PRPSAP1: variants seen among roughly 807,000 people sequenced by gnomAD.
PRPSAP1 encodes phosphoribosyl pyrophosphate synthase-associated protein 1.
Under a neutral mutation model 39.4 loss-of-function variants are expected in PRPSAP1, and 31 were observed. The ratio of observed to expected loss-of-function variants is 0.79; its 90% confidence interval spans 0.59 to 1.06. The LOEUF (loss-of-function observed/expected upper bound fraction) is 1.06. Among genes scored for constraint, PRPSAP1 ranks in the 50% least tolerant of loss-of-function variants. The pLI is 0.00. For missense variants in PRPSAP1, 430 were observed against 511.6 expected, an observed-to-expected ratio of 0.84 and a Z score of 1.54; for synonymous variants, 212 against 192.6, an observed-to-expected ratio of 1.10 and a Z score of -0.83.
intron 3 of PRPSAP1, among the ~76,000 whole-genome samples, chr17:76,333,057 A>G (rs1025193470): frequency 2.6e-5 from 4 of 151,650 alleles, no homozygotes; most frequent in Non-Finnish European, 4.4e-5. Flanking sequence ...TCGCCCGGCT[A>G]ATTTTTTGTA....
intron 3 of PRPSAP1, among the ~76,000 whole-genome samples, chr17:76,333,038 C>T (rs2071340836): frequency 6.6e-6 from 1 of 151,614 alleles, no homozygotes; most frequent in Non-Finnish European, 1.5e-5. Context: ...ACTACAGGCG[C>T]CCGCCACCTC....
chr17:76,315,335 G>C (rs1370605774), intron 7 of PRPSAP1, among the ~76,000 whole-genome samples: 3 of 152,186 alleles, frequency 2.0e-5, no homozygotes, highest in Admixed American at 2.0e-4. Context: ...GGCTAGTAGT[G>C]GGGGAAGCGA....
At chr17:76,338,782 C>A (rs2071405034) in intron 3 of PRPSAP1, among the ~76,000 whole-genome samples, 1 of 151,226 alleles carries the variant, frequency 6.6e-6, no homozygotes, top group South Asian at 2.1e-4. Context: ...GCCTGTAATC[C>A]CAGGACTTTG....
At chr17:76,338,066 T>C (rs1157573695) in intron 3 of PRPSAP1, among the ~76,000 whole-genome samples, 1 of 152,194 alleles carries the variant, frequency 6.6e-6, no homozygotes, top group Non-Finnish European at 1.5e-5. Context: ...CACAGTTCAA[T>C]TACCCAAAAT....
At chr17:76,336,599 G>A (rs747908305) in intron 3 of PRPSAP1, among the ~76,000 whole-genome samples, 3 of 150,982 alleles carry the variant, frequency 2.0e-5, no homozygotes, top group Admixed American at 6.6e-5. Flanking sequence ...AGGCATGGTG[G>A]TGCATGCCTG....
Position 76,325,301 on chromosome 17 carries a change from C to T in PRPSAP1, c.781+3416G>A, listed in dbSNP as rs535071185. Among the ~76,000 whole-genome samples the T allele has an allele frequency of 5.9e-5, 8 of 135,792 alleles. No homozygotes were observed. The Admixed American group carries it at 6.3e-4, about 11-fold the overall frequency. The allele number at this position is 135,792 out of a possible 152,430, so 89.1% of individuals were successfully genotyped here. ...GCGGGTGCCTGTAGTCCCAGCTATT[C>T]GGGAGGCTGAGGCAGGAGAATGGCG... On this transcript the variant is annotated intron_variant, in intron 7 of 9. Coordinates refer to ENST00000446526, the MANE Select transcript of PRPSAP1 (RefSeq NM_002766.3).
chr17:76,353,884 AGC>A lies in PRPSAP1; in HGVS notation c.-183_-182del, dbSNP rs1325907625. 3.6e-5 allele frequency: 48 copies of A among 1,327,196 alleles called. No homozygotes were observed. In the Middle Eastern group the frequency reaches 2.0e-3, roughly 55 times the overall value. The allele number at this position is 1,327,196 out of a possible 1,614,324, so 82.2% of individuals were successfully genotyped here. A position where few individuals can be genotyped will look rare whatever the true frequency, so the allele number is the denominator to read the frequency against. Reference sequence around the variant, plus strand: ...CTGACTACAGCGGCCGAGCCTTCGCAGCGCCCGGCGCCGCCGCCTCAGAGCCA... The same window carrying A: ...CTGACTACAGCGGCCGAGCCTTCGCAGCCCGGCGCCGCCGCCTCAGAGCCA... On this transcript the variant is annotated 5_prime_UTR_variant, in exon 1 of 10. Transcript: ENST00000446526.
chr17:76,333,626 C>T (rs2071348813), intron 3 of PRPSAP1, among the ~76,000 whole-genome samples: 1 of 151,588 alleles, frequency 6.6e-6, no homozygotes, highest in Admixed American at 6.6e-5. Flanking sequence ...GCCTGGGCAA[C>T]AGAGTGAGGC....
chr17:76,320,290 GAAAGAAAGA>G (rs1555592751), intron 7 of PRPSAP1, among the ~76,000 whole-genome samples: 3 of 103,342 alleles, frequency 2.9e-5, no homozygotes, highest in Non-Finnish European at 5.8e-5. Flanking sequence ...AGAAAAGAAA[GAAAGAAAGA>G]AAAGAAAGGA....
At chr17:76,326,592 T>G (rs945226502) in intron 7 of PRPSAP1, among the ~76,000 whole-genome samples, 1 of 152,176 alleles carries the variant, frequency 6.6e-6, no homozygotes, top group Non-Finnish European at 1.5e-5. Context: ...AATCACTTGA[T>G]CGCACTGTTC....
chr17:76,333,794 T>A (rs376991621), intron 3 of PRPSAP1, among the ~76,000 whole-genome samples: 1 of 152,252 alleles, frequency 6.6e-6, no homozygotes, highest in Non-Finnish European at 1.5e-5. Context: ...TTTCCAATGA[T>A]TATAAATTTG....
chr17:76,344,526 A>T (rs2071474992), intron 3 of PRPSAP1, 145 bp downstream of exon 3: 2 of 690,918 alleles, frequency 2.9e-6, no homozygotes, highest in East Asian at 5.8e-5. Context: ...CGGCCTCCCA[A>T]AGTGTTGGCA....
chr17:76,337,639 C>G (rs2143518682), intron 3 of PRPSAP1, among the ~76,000 whole-genome samples: 1 of 152,218 alleles, frequency 6.6e-6, no homozygotes, highest in East Asian at 1.9e-4. Flanking sequence ...ACTCTGTCAC[C>G]CAGGCTGGAA....
At chr17:76,352,374 G>C (rs187999368) in intron 1 of PRPSAP1, among the ~76,000 whole-genome samples, 2 of 152,250 alleles carry the variant, frequency 1.3e-5, no homozygotes, top group East Asian at 3.9e-4. Flanking sequence ...CACCGGGCGC[G>C]GTGGCTGAAG....
chr17:76,326,677 A>G (rs1424401854), intron 7 of PRPSAP1, among the ~76,000 whole-genome samples: 6 of 152,226 alleles, frequency 3.9e-5, no homozygotes, highest in Non-Finnish European at 8.8e-5. Flanking sequence ...AGAAATGACA[A>G]CTAAATGCAA....
At position 76,344,664 on chromosome 17, in the gene PRPSAP1, C is replaced by T; in HGVS notation, c.290+7G>A. 6.5e-7 allele frequency: 1 copy of T among 1,546,238 alleles called. No individual in the cohort carries two copies. Among genetic ancestry groups the T allele is most frequent in the Non-Finnish European group, 8.8e-7 (1 of 1,132,390 alleles). On this transcript the variant is annotated splice_region_variant and intron_variant, in intron 3 of 9. Transcript: ENST00000446526. ...CAGAAAAGAGATAAAGTAGTCAGTC[C>T]TCTTACCTGGGTATTGTCTGTATAA...
Position 76,325,598 on chromosome 17 carries a change from A to ATTTT in PRPSAP1, c.781+3115_781+3118dup, listed in dbSNP as rs538337876. On this transcript the variant is annotated intron_variant, in intron 7 of 9. Transcript: ENST00000446526. ...AAGATGGAGGCTCAGATGACTGCTA[A>ATTTT]TTTTTTTTTTTTTTTTTTGAGACAG... 7.6e-3 allele frequency among the ~76,000 whole-genome samples: 907 copies of ATTTT among 118,958 alleles called. 24 individuals are homozygous for ATTTT. Among genetic ancestry groups the ATTTT allele is most frequent in the African/African-American group, 0.029 (842 of 28,992 alleles). 78.0% of individuals were successfully genotyped at this position (118,958 alleles called of 152,430 possible). A position where few individuals can be genotyped will look rare whatever the true frequency, so the allele number is the denominator to read the frequency against.
In PRPSAP1 at chr17:76,353,526, C is replaced by G. The variant is rs147075140; in HGVS notation, c.170+8G>C. 5 of 1,507,582 alleles carry G rather than the reference C, an allele frequency of 3.3e-6. No individual in the cohort carries two copies. The South Asian group carries it at 5.0e-5, about 15-fold the overall frequency. 93.4% of individuals were successfully genotyped at this position (1,507,582 alleles called of 1,614,324 possible). On this transcript the variant is annotated splice_region_variant and intron_variant, in intron 1 of 9. Coordinates refer to ENST00000446526, the MANE Select transcript of PRPSAP1 (RefSeq NM_002766.3). ...GCCCCCGGCCCGGCCCTCCCACCGCCCCCTTACTCTGTGATGCGCTTGGCC... is the reference window on the plus strand; with the variant it reads ...GCCCCCGGCCCGGCCCTCCCACCGCGCCCTTACTCTGTGATGCGCTTGGCC...
At chr17:76,347,484 CAAAAAAAAAAAAAAAAA>C (rs71161289) in intron 2 of PRPSAP1, among the ~76,000 whole-genome samples, 1 of 25,220 alleles carries the variant, frequency 4.0e-5, no homozygotes, top group African/African-American at 1.1e-4. Flanking sequence ...AAGACTCCGT[CAAAAAAAAAAAAAAAAA>C]AAAAAAAAAA....
Sources: allele counts gnomAD v4.1 joint callset (sites outside exome capture counted in the v4.1 genomes callset), GRCh38; gene constraint gnomAD v4.1.1; transcripts MANE v1.5; gene names NCBI Gene and HGNC (gene_info 2026-07-23, HGNC 2026-07-21).